Variants in TARDBP observed in about 807,000 individuals in gnomAD.
The protein encoded by TARDBP is TAR DNA binding protein, also known as TAR DNA-binding protein 43.
Under a neutral mutation model 38.3 loss-of-function variants are expected in TARDBP, and 4 were observed. That is an observed-to-expected ratio of 0.10 (90% CI 0.05 to 0.24). The LOEUF is 0.24. Among genes scored for constraint, TARDBP ranks in the 10% least tolerant of loss-of-function variants. The pLI is 1.00. For missense variants in TARDBP, 202 were observed against 521.9 expected (o/e 0.39, Z 5.97); for synonymous variants, 184 against 183.8 (o/e 1.00, Z -0.01).
downstream of TARDBP, chr1:11,027,498 T>C (rs980325248): frequency 1.2e-6 from 2 of 1,614,056 alleles, no homozygotes; most frequent in South Asian, 1.1e-5. Context: ...ATAGACGGCA[T>C]GAGCAGCTGT....
chr1:11,024,955 TTATC>T lies in TARDBP; in HGVS notation c.*2302_*2305del, dbSNP rs1420290627. On this transcript the variant is annotated 3_prime_UTR_variant, in exon 6 of 6. Transcript: ENST00000240185. Reference sequence around the variant, plus strand: ...GTCATTTTGCAAGTTACATAAACATTTATCAATGAAGTCATCCTTTAGACTTGTA... The same window carrying T: ...GTCATTTTGCAAGTTACATAAACATTAATGAAGTCATCCTTTAGACTTGTA... 2 of 135,866 alleles carry T rather than the reference TTATC, an allele frequency of 1.5e-5. No homozygotes were observed. Among genetic ancestry groups the T allele is most frequent in the Non-Finnish European group, 3.2e-5 (2 of 62,350 alleles). The allele number at this position is 135,866 out of a possible 1,614,324, so 8.4% of individuals were successfully genotyped here. A position where few individuals can be genotyped will look rare whatever the true frequency, so the allele number is the denominator to read the frequency against.
At position 11,022,842 on chromosome 1, in the gene TARDBP, GTT is replaced by G. The variant is rs1380101615; in HGVS notation, c.*191_*192del. Reference sequence around the variant, plus strand: ...AGGAAGAGCTAAAGGAATTTTATAAGTTTTGTTACATGAAAGGTTGAAATATT... The same window carrying G: ...AGGAAGAGCTAAAGGAATTTTATAAGTTGTTACATGAAAGGTTGAAATATT... On this transcript the variant is annotated 3_prime_UTR_variant, in exon 6 of 6. Transcript: ENST00000240185. This position sits in a 1 kb window ranked among gnomAD's most constrained non-coding sequence, Gnocchi z 4.5. 1 of 1,371,742 alleles carries G rather than the reference GTT, an allele frequency of 7.3e-7. No homozygotes were observed. Among genetic ancestry groups the G allele is most frequent in the African/African-American group, 1.5e-5 (1 of 67,854 alleles). 85.0% of individuals were successfully genotyped at this position (1,371,742 alleles called of 1,614,324 possible).
rs200953963 is a variant in TARDBP, at chr1:11,020,635, G to A, written c.714+36G>A. 9.8e-5 allele frequency: 157 copies of A among 1,594,702 alleles called. No individual in the cohort carries two copies. The African/African-American group carries it at 1.2e-3, about 12-fold the overall frequency. On this transcript the variant is annotated intron_variant, in intron 5 of 5. Transcript: ENST00000240185. ...CCTTAACGATATGTCCCGGCCGGGC[G>A]TGGTGGCTCATGCTTACAATCCCAG... is the stretch of plus-strand genomic sequence containing the variant.
chr1:11,014,879 T>A (rs1643484038), intron 2 of TARDBP, among the ~76,000 whole-genome samples: 1 of 151,946 alleles, frequency 6.6e-6, no homozygotes. Flanking sequence ...GAGGTTGCAG[T>A]GAGCAGAGAT....
intron 1 of TARDBP, among the ~76,000 whole-genome samples, chr1:11,013,302 A>T (rs571420187): frequency 1.3e-5 from 2 of 152,348 alleles, no homozygotes; most frequent in South Asian, 4.1e-4. Context: ...AGGAAAATCG[A>T]CTGGGACCTA....
rs1308829011 is a variant in TARDBP, at chr1:11,023,006, T to C, written c.*352T>C. The C allele has an allele frequency of 1.4e-6, 2 of 1,408,800 alleles. No individual in the cohort carries two copies. The allele number at this position is 1,408,800 out of a possible 1,614,324, so 87.3% of individuals were successfully genotyped here. A position where few individuals can be genotyped will look rare whatever the true frequency, so the allele number is the denominator to read the frequency against. On this transcript the variant is annotated 3_prime_UTR_variant, in exon 6 of 6. Transcript: ENST00000240185. Reference sequence around the variant, plus strand: ...TTTGCATGTTCAAAACGGAAACCATTGATTAGAACTACATTCTTTACCCCT... The same window carrying C: ...TTTGCATGTTCAAAACGGAAACCATCGATTAGAACTACATTCTTTACCCCT...
downstream of TARDBP, among the ~76,000 whole-genome samples, chr1:11,028,959 C>T (rs1262769500): frequency 6.0e-5 from 9 of 148,986 alleles, no homozygotes; most frequent in South Asian, 2.1e-4. Flanking sequence ...ACGATCTGCC[C>T]GCCTCAGCCT....
Position 11,024,566 on chromosome 1 carries a change from C to A in TARDBP, c.*1912C>A, listed in dbSNP as rs1352271613. On this transcript the variant is annotated 3_prime_UTR_variant, in exon 6 of 6. Transcript: ENST00000240185. ...GGGATTTGAAAAGTGGAATTAATTG[C>A]AGTAGGGATAAAGTAGAAGAAACCA... The A allele has an allele frequency of 6.6e-6, 1 of 152,584 alleles. No homozygotes were observed. Among genetic ancestry groups the A allele is most frequent in the East Asian group, 1.9e-4 (1 of 5,202 alleles). The allele number at this position is 152,584 out of a possible 1,614,324, so 9.5% of individuals were successfully genotyped here. A position where few individuals can be genotyped will look rare whatever the true frequency, so the allele number is the denominator to read the frequency against.
At chr1:11,027,751 A>G, downstream of TARDBP, 3 of 1,222,688 alleles carry the variant, frequency 2.5e-6, no homozygotes, top group Non-Finnish European at 3.4e-6. Context: ...TCAACCAAAA[A>G]TTATATTACA....
chr1:11,019,323 C>T, intron 4 of TARDBP: 1 of 305,546 alleles, frequency 3.3e-6, no homozygotes, highest in Admixed American at 5.0e-5. Flanking sequence ...AGTCATGTAT[C>T]ACATGGCAAA....
At position 11,016,952 on chromosome 1, in the gene TARDBP, C is replaced by A. The variant is rs1463078667; in HGVS notation, c.347C>A (p.Thr116Asn). The A allele has an allele frequency of 6.2e-7, 1 of 1,614,208 alleles. No individual in the cohort carries two copies. The highest frequency in any genetic ancestry group is 1.3e-5 in the African/African-American group (1 of 75,056). ...GTGTTGGGTCTCCCATGGAAAACAA[C>A]CGAACAGGACCTGAAAGAGTATTTT... Reference protein sequence around the residue: ...LIVLGLPWKTTEQDLKEYFST... With the variant: ...LIVLGLPWKTNEQDLKEYFST... Residue 116 changes from threonine (T) to asparagine (N), a missense_variant, in exon 3 of 6, where the codon ACC becomes AAC. By Grantham distance (65) the Thr-to-Asn change is moderately conservative (BLOSUM62 0). This residue lies in a region of TARDBP where 71 missense variants were observed against 185.4 expected (regional missense o/e 0.38). Coordinates refer to ENST00000240185, the MANE Select transcript of TARDBP (RefSeq NM_007375.4).
Position 11,023,507 on chromosome 1 carries a change from C to G in TARDBP, c.*853C>G. On this transcript the variant is annotated 3_prime_UTR_variant, in exon 6 of 6. Coordinates refer to ENST00000240185, the MANE Select transcript of TARDBP (RefSeq NM_007375.4). ...GAGCGAGAAAAGGAGAGAGCGCGTG[C>G]AGAGACTTGGTGGTGCATAATGGAT... is the stretch of plus-strand genomic sequence containing the variant. 1.9e-6 allele frequency: 1 copy of G among 527,100 alleles called. No homozygotes were observed. Among genetic ancestry groups the G allele is most frequent in the Non-Finnish European group, 3.4e-6 (1 of 296,122 alleles). The allele number at this position is 527,100 out of a possible 1,614,324, so 32.7% of individuals were successfully genotyped here.
downstream of TARDBP, chr1:11,027,211 C>T: frequency 1.2e-6 from 2 of 1,614,058 alleles, no homozygotes; most frequent in African/African-American, 2.7e-5. Flanking sequence ...GCAAGAAAAC[C>T]CCTTTGGGTT....
chr1:11,013,897 T>C lies in TARDBP; in HGVS notation c.170T>C (p.Val57Ala). ...VSQCMRGVRL[V>A]EGILHAPDAG... ...CAGTGTATGAGAGGTGTCCGGCTGG[T>C]AGAAGGAATTCTGCATGCCCCAGAT... Residue 57 changes from valine (V) to alanine (A), a missense_variant, in exon 2 of 6, where the codon GTA (valine) becomes GCA (alanine). Val to Ala is a moderately conservative substitution (Grantham distance 64, BLOSUM62 0). Transcript: ENST00000240185. The C allele has an allele frequency of 6.2e-7, 1 of 1,614,226 alleles. No individual in the cohort carries two copies. The highest frequency in any genetic ancestry group is 1.3e-5 in the African/African-American group (1 of 75,058).
Position 11,024,984 on chromosome 1 carries a change from A to C in TARDBP, c.*2330A>C, listed in dbSNP as rs970872544. 1 of 152,638 alleles carries C rather than the reference A, an allele frequency of 6.6e-6. No individual in the cohort carries two copies. The highest frequency in any genetic ancestry group is 1.5e-5 in the Non-Finnish European group (1 of 68,048). 9.5% of individuals were successfully genotyped at this position (152,638 alleles called of 1,614,324 possible). On this transcript the variant is annotated 3_prime_UTR_variant, in exon 6 of 6. Transcript: ENST00000240185. ...CAATGAAGTCATCCTTTAGACTTGT[A>C]ATCGCCACATTGTTTCATTATTCAG...
At chr1:11,013,242 G>A (rs186262279) in intron 1 of TARDBP, among the ~76,000 whole-genome samples, 2 of 152,346 alleles carry the variant, frequency 1.3e-5, no homozygotes, top group African/African-American at 4.8e-5. Flanking sequence ...TTTACACCTG[G>A]TTCACTGCCC....
chr1:11,017,403 G>A (rs1471501870), intron 3 of TARDBP, among the ~76,000 whole-genome samples: 5 of 151,912 alleles, frequency 3.3e-5, no homozygotes, highest in East Asian at 1.9e-4. Context: ...GGTTTCACCC[G>A]TTGGCCAGGC....
At position 11,023,489 on chromosome 1, in the gene TARDBP, A is replaced by G; in HGVS notation, c.*835A>G. On this transcript the variant is annotated 3_prime_UTR_variant, in exon 6 of 6. Transcript: ENST00000240185. ...GGCATGAAAGGCTAGTATGAGCGAG[A>G]AAAGGAGAGAGCGCGTGCAGAGACT... 1 of 555,842 alleles carries G rather than the reference A, an allele frequency of 1.8e-6. No individual in the cohort carries two copies. Among genetic ancestry groups the G allele is most frequent in the South Asian group, 2.5e-5 (1 of 39,924 alleles). 34.4% of individuals were successfully genotyped at this position (555,842 alleles called of 1,614,324 possible).
chr1:11,028,697 G>GTTTT (rs1208974169), downstream of TARDBP, among the ~76,000 whole-genome samples: 252 of 36,124 alleles, frequency 7.0e-3, 6 homozygotes, highest in African/African-American at 0.024. Flanking sequence ...ATCTTTCTGG[G>GTTTT]TTTTTTTTCT....
Sources: allele counts gnomAD v4.1 joint callset (sites outside exome capture counted in the v4.1 genomes callset), GRCh38; gene constraint gnomAD v4.1.1; regional missense constraint gnomAD v4.1.1; non-coding constraint Gnocchi (gnomAD v3.1); transcripts MANE v1.5; gene names NCBI Gene and HGNC (gene_info 2026-07-23, HGNC 2026-07-21).